The following PCDHGA1 variants were observed in gnomAD, a reference collection of about 807,000 sequenced individuals.
The protein encoded by PCDHGA1 is protocadherin gamma subfamily A, 1, also known as protocadherin gamma-A1.
Under a neutral mutation model 58.0 loss-of-function variants are expected in PCDHGA1, and 32 were observed. That is an observed-to-expected ratio of 0.55 (90% CI 0.42 to 0.74). The LOEUF (loss-of-function observed/expected upper bound fraction) is 0.74, where lower values mean the gene tolerates loss of function less well. Among genes scored for constraint, PCDHGA1 ranks in the 30% least tolerant of loss-of-function variants. The pLI is 0.00. For synonymous variants in PCDHGA1, 498 were observed against 501.1 expected, an observed-to-expected ratio of 0.99 and a Z score of 0.08; for missense variants, 1,205 against 1,182.3, an observed-to-expected ratio of 1.02 and a Z score of -0.28.
chr5:141,468,300 G>C (rs2099162063), intron 1 of PCDHGA1, among the ~76,000 whole-genome samples: 1 of 146,430 alleles, frequency 6.8e-6, no homozygotes, highest in Non-Finnish European at 1.5e-5. Flanking sequence ...ACCCCAGCCT[G>C]GGCAACAAGA....
rs374575578 is a variant in PCDHGA1 at position 141,409,643 on chromosome 5, T to G, written c.2421+76538T>G. 4.3e-6 allele frequency: 7 copies of G among 1,613,620 alleles called. No homozygotes were observed. The African/African-American group carries it at 8.0e-5, about 18-fold the overall frequency. ...GCAAGTGAGCGCCTCTGACCCGGAT[T>G]TGGGGCTCAATGGCCACATCTCCTA... On this transcript the variant is annotated intron_variant, in intron 1 of 3. Coordinates refer to ENST00000517417, the MANE Select transcript of PCDHGA1 (RefSeq NM_018912.3).
chr5:141,387,555 A>G (rs1236867307), intron 1 of PCDHGA1: 10 of 410,246 alleles, frequency 2.4e-5, no homozygotes, highest in Non-Finnish European at 4.3e-5. Flanking sequence ...TCTTTCAGTT[A>G]GGCACACAAT....
intron 1 of PCDHGA1, among the ~76,000 whole-genome samples, chr5:141,444,726 G>C (rs1296177763): frequency 6.6e-6 from 1 of 152,048 alleles, no homozygotes; most frequent in African/African-American, 2.4e-5. Flanking sequence ...TGGTGCCTTT[G>C]TTGAAAGTCA....
chr5:141,408,817 G>T (rs2095174337), intron 1 of PCDHGA1: 2 of 1,613,438 alleles, frequency 1.2e-6, no homozygotes, highest in Admixed American at 1.7e-5. Context: ...GGGAAGAACA[G>T]AGATCTCATA....
intron 1 of PCDHGA1, chr5:141,376,412 G>A (rs1772658839): frequency 1.9e-6 from 3 of 1,614,164 alleles, no homozygotes; most frequent in African/African-American, 1.3e-5. Context: ...CAACTATGCC[G>A]ACACGCTTAT....
chr5:141,375,100 T>A lies in PCDHGA1; in HGVS notation c.2421+41995T>A, dbSNP rs921904476. 5 of 1,613,834 alleles carry A rather than the reference T, an allele frequency of 3.1e-6. No individual in the cohort carries two copies. The African/African-American group carries it at 6.7e-5, about 22-fold the overall frequency. On this transcript the variant is annotated intron_variant, in intron 1 of 3. Transcript: ENST00000517417. The stretch of plus-strand genomic sequence containing the variant: ...CGAAAGTCTTAATAACTATCTTGGA[T>A]GTCAATGATAATGTACCAGAAGTGG...
Position 141,493,876 on chromosome 5 carries a change from G to T in PCDHGA1, c.2422-931G>T, listed in dbSNP as rs2099750541. 6.6e-6 allele frequency among the ~76,000 whole-genome samples: 1 copy of T among 152,194 alleles called. No homozygotes were observed. ...CAGCCCACCCCAGAACCAGTGAGGA[G>T]GTGGCTCTAGGAGTGCTCCATGAGA... On this transcript the variant is annotated intron_variant, in intron 1 of 3. Transcript: ENST00000517417. The surrounding 1 kb of genome is among the most constrained non-coding windows in gnomAD (Gnocchi z 4.3).
chr5:141,385,368 T>TG, intron 1 of PCDHGA1: 4 of 1,535,720 alleles, frequency 2.6e-6, no homozygotes, highest in Non-Finnish European at 3.5e-6. Flanking sequence ...TTTATTTGCA[T>TG]GATATTTCTC....
At chr5:141,337,019 A>G (rs1184665273) in intron 1 of PCDHGA1, among the ~76,000 whole-genome samples, 1 of 152,258 alleles carries the variant, frequency 6.6e-6, no homozygotes, top group Non-Finnish European at 1.5e-5. Flanking sequence ...CCAAAACCAT[A>G]TGAAACAATG....
chr5:141,375,469 T>C (rs762486539), intron 1 of PCDHGA1: 1 of 1,613,946 alleles, frequency 6.2e-7, no homozygotes, highest in South Asian at 1.1e-5. Flanking sequence ...TCTATGTCCT[T>C]GAAAACAACC....
intron 1 of PCDHGA1, chr5:141,375,062 C>T (rs377179051): frequency 5.6e-6 from 9 of 1,613,878 alleles, no homozygotes; most frequent in Non-Finnish European, 7.6e-6. Context: ...TGGGCCAGGT[C>T]TTCGAGACAG....
At chr5:141,453,919 C>T (rs142719452) in intron 1 of PCDHGA1, among the ~76,000 whole-genome samples, 2 of 152,318 alleles carry the variant, frequency 1.3e-5, no homozygotes, top group African/African-American at 4.8e-5. Flanking sequence ...TGTCAGTGAT[C>T]AGTCACTGTG....
At chr5:141,374,865 T>C (rs759726307) in intron 1 of PCDHGA1, 2 of 1,613,676 alleles carry the variant, frequency 1.2e-6, no homozygotes, top group African/African-American at 1.3e-5. Flanking sequence ...GGCACACCAG[T>C]GTTGGCAGTG....
intron 1 of PCDHGA1, chr5:141,343,765 G>T: frequency 2.6e-6 from 1 of 380,782 alleles, no homozygotes; most frequent in Non-Finnish European, 4.7e-6. Flanking sequence ...TGCAGTAAAC[G>T]GTTAGGCCTC....
At chr5:141,411,302 G>T (rs1165336405) in intron 1 of PCDHGA1, 1 of 152,134 alleles carries the variant, frequency 6.6e-6, no homozygotes, top group Admixed American at 6.6e-5. Context: ...AGGCCCAGTG[G>T]CTCACACCTA....
chr5:141,375,210 C>T, intron 1 of PCDHGA1: 1 of 1,614,008 alleles, frequency 6.2e-7, no homozygotes. Context: ...GATCGAGACT[C>T]TGGCCTGAAT....
rs755936344 is a variant in PCDHGA1, at chr5:141,490,704, C to T, written c.2422-4103C>T. ...ATCCAGACACTGGGGATAATGCCCG[C>T]CTCACCTACTCCATTGTAGGAAATC... On this transcript the variant is annotated intron_variant, in intron 1 of 3. Transcript: ENST00000517417. The surrounding 1 kb of genome is among the most constrained non-coding windows in gnomAD (Gnocchi z 5.4). 6.2e-7 allele frequency: 1 copy of T among 1,614,166 alleles called. No homozygotes were observed.
chr5:141,374,476 C>A, intron 1 of PCDHGA1: 3 of 1,612,124 alleles, frequency 1.9e-6, no homozygotes, highest in Non-Finnish European at 1.7e-6. Context: ...ACAATACACC[C>A]CGATTCTTAA....
intron 1 of PCDHGA1, chr5:141,384,375 C>T (rs190245807): frequency 6.2e-7 from 1 of 1,613,912 alleles, no homozygotes; most frequent in South Asian, 1.1e-5. Flanking sequence ...ATTCCTTGGC[C>T]GAAGACACCA....
Sources: allele counts gnomAD v4.1 joint callset (sites outside exome capture counted in the v4.1 genomes callset), GRCh38; gene constraint gnomAD v4.1.1; non-coding constraint Gnocchi (gnomAD v3.1); transcripts MANE v1.5; gene names NCBI Gene and HGNC (gene_info 2026-07-23, HGNC 2026-07-21).